Variants in KEL observed in about 807,000 individuals in gnomAD.
The protein encoded by KEL is kell blood group glycoprotein.
A neutral mutation model predicts 99.5 loss-of-function variants in KEL; 96 were observed. The observed-to-expected ratio is 0.97, with a 90% CI of 0.82 to 1.14. The LOEUF is 1.14. Among genes scored for constraint, KEL ranks in the 50% most tolerant of loss-of-function variants. The pLI is 0.00. For missense variants in KEL, 926 were observed against 924.2 expected, an observed-to-expected ratio of 1.00 and a Z score of -0.03; for synonymous variants, 355 against 354.8, an observed-to-expected ratio of 1.00 and a Z score of -0.01.
At chr7:142,955,175 T>A (rs1024542644) in intron 6 of KEL, among the ~76,000 whole-genome samples, 1 of 152,108 alleles carries the variant, frequency 6.6e-6, no homozygotes, top group African/African-American at 2.4e-5. Flanking sequence ...AACTCTTTTT[T>A]AAAAAAACTC....
At position 142,952,501 on chromosome 7, in the gene KEL, C is replaced by T; in HGVS notation, c.1203+8G>A. 1 of 1,613,676 alleles carries T rather than the reference C, an allele frequency of 6.2e-7. No homozygotes were observed. Among genetic ancestry groups the T allele is most frequent in the Non-Finnish European group, 8.5e-7 (1 of 1,180,018 alleles). ...TATCTGGGCAAATACACCCGCTCCT[C>T]TCCTCACCATGGGTGGTTGCTCTGT... On this transcript the variant is annotated splice_region_variant and intron_variant, in intron 10 of 18. Coordinates refer to ENST00000355265, the MANE Select transcript of KEL (RefSeq NM_000420.3).
chr7:142,958,040 G>C, intron 5 of KEL, 67 bp from the exon 6 acceptor site: 1 of 1,567,222 alleles, frequency 6.4e-7, no homozygotes, highest in South Asian at 1.1e-5. Context: ...GTCTGGATCG[G>C]CTCTTACACA....
At position 142,954,196 on chromosome 7, in the gene KEL, G is replaced by A. The variant is rs8175994; in HGVS notation, c.912C>T (p.Ile304=). 3.8e-4 allele frequency: 618 copies of A among 1,610,588 alleles called. 3 individuals carry two copies. The African/African-American group carries it at 5.6e-3, about 15-fold the overall frequency. Residue 304 remains isoleucine, a synonymous_variant, in exon 8 of 19, where the codon ATC becomes ATT. Transcript: ENST00000355265. ...CAGTTCCAGGCACCTTGAGCTGGTC[G>A]ATAGTGACCATCTGGAAGAGCTTGC... ...AQGKLFQMVT[I]DQLKEMAPAI...
At position 142,952,599 on chromosome 7, in the gene KEL, C is replaced by A; in HGVS notation, c.1113G>T (p.Val371=). 1 of 1,614,032 alleles carries A rather than the reference C, an allele frequency of 6.2e-7. No homozygotes were observed. Among genetic ancestry groups the A allele is most frequent in the Non-Finnish European group, 8.5e-7 (1 of 1,179,992 alleles). ...GACTGTCCAGGGCTGGAGAAAGGGT[C>A]ACCACCAGCCCTAAGATCATGTGGC... ...LQSHMILGLV[V]TLSPALDSQF... Residue 371 remains valine (V), a synonymous_variant, in exon 10 of 19, where the codon GTG becomes GTT. Coordinates refer to ENST00000355265, the MANE Select transcript of KEL (RefSeq NM_000420.3).
intron 16 of KEL, 107 bp downstream of exon 16, chr7:142,943,169 G>A: frequency 6.5e-7 from 1 of 1,541,024 alleles, no homozygotes. Context: ...TCCCAGGACT[G>A]CCCCACCTCA....
intron 4 of KEL, among the ~76,000 whole-genome samples, chr7:142,959,933 G>A (rs1310518930): frequency 2.0e-5 from 3 of 152,138 alleles, no homozygotes; most frequent in African/African-American, 7.2e-5. Context: ...GATTCTAATT[G>A]ATAGTGTCAA....
rs148753837 is a variant in KEL at position 142,941,377 on chromosome 7, C to G, written c.2074G>C (p.Asp692His). Reference sequence around the variant, plus strand: ...CGGAGGTGTGGAGGGCTGTGAGTGTCGTGAGAGTCCTGGGGGCTGGGCTTC... The same window carrying G: ...CGGAGGTGTGGAGGGCTGTGAGTGTGGTGAGAGTCCTGGGGGCTGGGCTTC... Reference protein sequence around the residue: ...CRKPSPQDSHDTHSPPHLRVH... With the variant: ...CRKPSPQDSHHTHSPPHLRVH... Residue 692 changes from aspartate to histidine, a missense_variant, in exon 19 of 19, where the codon GAC becomes CAC. Coordinates refer to ENST00000355265, the MANE Select transcript of KEL (RefSeq NM_000420.3). 6.2e-7 allele frequency: 1 copy of G among 1,609,240 alleles called. No homozygotes were observed. The highest frequency in any genetic ancestry group is 1.7e-5 in the Admixed American group (1 of 59,888).
At chr7:142,952,740 C>A (rs764464354) in intron 9 of KEL, 102 bp from the exon 10 acceptor site, 3 of 1,303,388 alleles carry the variant, frequency 2.3e-6, no homozygotes, top group Non-Finnish European at 3.3e-6. Flanking sequence ...GTGAAGGCAG[C>A]TCCTTCTCCT....
chr7:142,948,629 G>T (rs1252227713), intron 10 of KEL, among the ~76,000 whole-genome samples: 2 of 152,128 alleles, frequency 1.3e-5, no homozygotes, highest in Non-Finnish European at 2.9e-5. Flanking sequence ...ACTACTAAGG[G>T]CTATGATAGG....
chr7:142,942,934 C>A lies in KEL; in HGVS notation c.1882G>T (p.Asp628Tyr). ...GCATTCTCTAAGAATGTGAGGGAGT[C>A]ATTGAAGGAGGTTCTGCTAGGTAAT... ...FPLPSRTSFNDSLTFLENAAD... is the reference protein window; with the variant it reads ...FPLPSRTSFNYSLTFLENAAD... Residue 628 changes from aspartate to tyrosine, a missense_variant, in exon 17 of 19, where the codon GAC becomes TAC. Coordinates refer to ENST00000355265, the MANE Select transcript of KEL (RefSeq NM_000420.3). The A allele has an allele frequency of 6.2e-7, 1 of 1,614,156 alleles. No homozygotes were observed. The highest frequency in any genetic ancestry group is 8.5e-7 in the Non-Finnish European group (1 of 1,180,018).
chr7:142,943,480 C>A lies in KEL; in HGVS notation c.1703+6G>T. On this transcript the variant is annotated splice_donor_region_variant and intron_variant, in intron 15 of 18. Coordinates refer to ENST00000355265, the MANE Select transcript of KEL (RefSeq NM_000420.3). Reference sequence around the variant, plus strand: ...TCCCTACCTACCCTTACAGAGTGACCCATACCTGGGATAGCCAGGGTGGAA... The same window carrying A: ...TCCCTACCTACCCTTACAGAGTGACACATACCTGGGATAGCCAGGGTGGAA... 6.2e-7 allele frequency: 1 copy of A among 1,611,540 alleles called. No individual in the cohort carries two copies. The highest frequency in any genetic ancestry group is 8.5e-7 in the Non-Finnish European group (1 of 1,177,602).
chr7:142,951,981 G>A (rs1304301078), intron 10 of KEL, among the ~76,000 whole-genome samples: 2 of 152,018 alleles, frequency 1.3e-5, no homozygotes, highest in Non-Finnish European at 2.9e-5. Flanking sequence ...TTAGTGAAGT[G>A]CATTTTCTAC....
chr7:142,943,284 T>C lies in KEL; in HGVS notation c.1763A>G (p.Tyr588Cys), dbSNP rs61729048. The change falls in exon 16 of 19, where the codon TAC becomes TGC. Residue 588 changes from tyrosine (Y) to cysteine (C), a missense_variant. By Grantham distance (194) the Tyr-to-Cys change is radical. Coordinates refer to ENST00000355265, the MANE Select transcript of KEL (RefSeq NM_000420.3). ...IMAHELLHIF[Y>C]QLLLPGGCLA... Reference sequence around the variant, plus strand: ...TGGCCCCTGTTACCCACAGAGCTGGTAGAAGATGTGCAACAGCTCGTGGGC... The same window carrying C: ...TGGCCCCTGTTACCCACAGAGCTGGCAGAAGATGTGCAACAGCTCGTGGGC... The C allele has an allele frequency of 6.2e-7, 1 of 1,613,862 alleles. No homozygotes were observed. The highest frequency in any genetic ancestry group is 8.5e-7 in the Non-Finnish European group (1 of 1,179,922).
intron 18 of KEL, among the ~76,000 whole-genome samples, 162 bp from the exon 19 acceptor site, chr7:142,941,575 A>C (rs1402744418): frequency 6.6e-6 from 1 of 152,114 alleles, no homozygotes; most frequent in Non-Finnish European, 1.5e-5. Flanking sequence ...TTAATCTGGC[A>C]ATAGGAGTCC....
Position 142,957,918 on chromosome 7 carries a change from AGCGTTCG to A in KEL, c.574_580del (p.Arg192Ter). 1 of 1,614,112 alleles carries A rather than the reference AGCGTTCG, an allele frequency of 6.2e-7. No homozygotes were observed. Among genetic ancestry groups the A allele is most frequent in the South Asian group, 1.1e-5 (1 of 91,084 alleles). On this transcript the variant is annotated frameshift_variant, in exon 6 of 19. Transcript: ENST00000355265. LOFTEE classifies it high-confidence loss of function. ...GCCATACTGACTCATCAGAAGTCTC[AGCGTTCG>A]GTTAAAGTTTAAGGAAGTCCATTTA...
intron 1 of KEL, 76 bp downstream of exon 1, chr7:142,962,128 C>A: frequency 2.5e-6 from 4 of 1,612,884 alleles, no homozygotes; most frequent in Non-Finnish European, 3.4e-6. Context: ...CCCTCCCCTC[C>A]AGTGGGGGCA....
chr7:142,943,682 T>A, intron 14 of KEL, 86 bp from the exon 15 acceptor site: 1 of 1,428,130 alleles, frequency 7.0e-7, no homozygotes, highest in Non-Finnish European at 9.8e-7. Flanking sequence ...CCAACTACCA[T>A]TACTGTTCAT....
intron 4 of KEL, 151 bp downstream of exon 4, chr7:142,960,777 C>T: frequency 3.5e-6 from 3 of 862,682 alleles, no homozygotes; most frequent in African/African-American, 1.6e-5. Flanking sequence ...CTTTTACTCC[C>T]CCATCATCTC....
intron 6 of KEL, among the ~76,000 whole-genome samples, chr7:142,955,229 C>T (rs1343986274): frequency 1.3e-5 from 2 of 152,096 alleles, no homozygotes; most frequent in African/African-American, 4.8e-5. Flanking sequence ...ATCAAAATTA[C>T]TACCAAAAAT....
Sources: allele counts gnomAD v4.1 joint callset (sites outside exome capture counted in the v4.1 genomes callset), GRCh38; gene constraint gnomAD v4.1.1; transcripts MANE v1.5; gene names NCBI Gene and HGNC (gene_info 2026-07-23, HGNC 2026-07-21).